PZP: variants seen among roughly 807,000 people sequenced by gnomAD.
PZP encodes pregnancy zone protein.
A neutral mutation model predicts 179.8 loss-of-function variants in PZP; 150 were observed. The ratio of observed to expected loss-of-function variants is 0.83; its 90% confidence interval spans 0.73 to 0.96. The LOEUF (loss-of-function observed/expected upper bound fraction) is 0.96, where lower values mean the gene tolerates loss of function less well. Ranked by LOEUF, PZP falls within the 40% of genes least tolerant of loss-of-function variation. The probability of loss-of-function intolerance (pLI) is 0.00; values close to 1 mark genes in which losing one functional copy is unlikely to be tolerated. For missense variants in PZP, 1,689 were observed against 1,764.0 expected, an observed-to-expected ratio of 0.96 and a Z score of 0.76; for synonymous variants, 624 against 652.3, an observed-to-expected ratio of 0.96 and a Z score of 0.66.
chr12:9,152,115 T>C, intron 32 of PZP, 105 bp downstream of exon 32: 1 of 888,912 alleles, frequency 1.1e-6, no homozygotes. Flanking sequence ...AAATATTTTT[T>C]TGAGGCAGGA....
downstream of PZP, among the ~76,000 whole-genome samples, chr12:9,144,676 G>T (rs1291864132): frequency 6.6e-6 from 1 of 152,158 alleles, no homozygotes; most frequent in Non-Finnish European, 1.5e-5. Context: ...TAGGGTGAGA[G>T]AGCTTATCAC....
intron 13 of PZP, among the ~76,000 whole-genome samples, chr12:9,190,908 T>C (rs61245190): frequency 0.018 from 2,790 of 152,216 alleles, 84 homozygotes; most frequent in African/African-American, 0.063. Context: ...TGAATAAAAT[T>C]TGTTCTTTTA....
intron 22 of PZP, chr12:9,162,233 A>T: frequency 5.8e-6 from 1 of 172,476 alleles, no homozygotes; most frequent in Non-Finnish European, 1.2e-5. Context: ...AAATGCTGGG[A>T]TTACAAATGT....
intron 15 of PZP, among the ~76,000 whole-genome samples, chr12:9,175,853 G>C (rs746919511): frequency 6.0e-4 from 91 of 152,274 alleles, no homozygotes; most frequent in African/African-American, 1.9e-3. Context: ...TTTTTTTACT[G>C]TTGTGGGGAG....
rs1286166336 is a variant in PZP, at chr12:9,162,656, G to A, written c.2737-8C>T. Reference sequence around the variant, plus strand: ...TTGCTCAATACCTTCAGCCTTGGATGAAAGGAAAGAAAAGGAGAAAAGATA... The same window carrying A: ...TTGCTCAATACCTTCAGCCTTGGATAAAAGGAAAGAAAAGGAGAAAAGATA... On this transcript the variant is annotated splice_region_variant and splice_polypyrimidine_tract_variant and intron_variant, in intron 21 of 35. Coordinates refer to ENST00000261336, the MANE Select transcript of PZP (RefSeq NM_002864.3). The A allele has an allele frequency of 1.3e-6, 2 of 1,580,886 alleles. No individual in the cohort carries two copies. Among genetic ancestry groups the A allele is most frequent in the East Asian group, 2.2e-5 (1 of 44,626 alleles).
chr12:9,160,400 G>C lies in PZP; in HGVS notation c.2963C>G (p.Pro988Arg). Reference sequence around the variant, plus strand: ...CAGATAGTTCAAGACATAGATGTTAGGAGCAAATAGGACCATGTTCTGTTC... The same window carrying C: ...CAGATAGTTCAAGACATAGATGTTACGAGCAAATAGGACCATGTTCTGTTC... ...CGEQNMVLFA[P>R]NIYVLNYLNE... The change falls in exon 24 of 36, where the codon CCT becomes CGT. Residue 988 changes from proline (P) to arginine (R), a missense_variant. By Grantham distance (103) the Pro-to-Arg change is moderately radical. Transcript: ENST00000261336. 6.2e-7 allele frequency: 1 copy of C among 1,614,076 alleles called. No individual in the cohort carries two copies. Among genetic ancestry groups the C allele is most frequent in the Non-Finnish European group, 8.5e-7 (1 of 1,179,934 alleles).
At chr12:9,204,586 TCAA>T (rs1183933370) in intron 1 of PZP, among the ~76,000 whole-genome samples, 1 of 152,196 alleles carries the variant, frequency 6.6e-6, no homozygotes, top group African/African-American at 2.4e-5. Context: ...CAATATTTTA[TCAA>T]CGAGTTTGAA....
intron 35 of PZP, among the ~76,000 whole-genome samples, chr12:9,149,260 G>A (rs1208095027): frequency 1.3e-5 from 2 of 152,236 alleles, no homozygotes; most frequent in African/African-American, 4.8e-5. Flanking sequence ...GGTTTTAGGT[G>A]TGTGATTAGT....
rs1007603860 is a variant in PZP, at chr12:9,152,707, T to C, written c.4121+117A>G. 5 of 1,066,576 alleles carry C rather than the reference T, an allele frequency of 4.7e-6. No individual in the cohort carries two copies. The African/African-American group carries it at 8.1e-5, about 17-fold the overall frequency. The allele number at this position is 1,066,576 out of a possible 1,614,324, so 66.1% of individuals were successfully genotyped here. A position where few individuals can be genotyped will look rare whatever the true frequency, so the allele number is the denominator to read the frequency against. Reference sequence around the variant, plus strand: ...ATAAAAGCCTAAATTCATTTATAGATATATCAATTCTAAATTATATTAATC... The same window carrying C: ...ATAAAAGCCTAAATTCATTTATAGACATATCAATTCTAAATTATATTAATC... On this transcript the variant is annotated intron_variant, in intron 31 of 35. Transcript: ENST00000261336.
rs1007391101 is a variant in PZP, at chr12:9,194,004, G to A, written c.1254+73C>T. On this transcript the variant is annotated intron_variant, in intron 11 of 35. Transcript: ENST00000261336. ...TATTTCTTACTCTTAAATGCAATCT[G>A]TACATTTCTTCTGAATATATCACTG... The A allele has an allele frequency of 1.4e-5, 19 of 1,364,616 alleles. No homozygotes were observed. The African/African-American group carries it at 2.5e-4, about 18-fold the overall frequency. 84.5% of individuals were successfully genotyped at this position (1,364,616 alleles called of 1,614,324 possible).
intron 13 of PZP, among the ~76,000 whole-genome samples, chr12:9,189,715 T>C (rs1339566087): frequency 1.3e-5 from 2 of 152,090 alleles, no homozygotes; most frequent in African/African-American, 4.8e-5. Flanking sequence ...ACTTAGAGAA[T>C]GAGAGAAAAC....
chr12:9,181,723 TACTC>T, intron 14 of PZP, among the ~76,000 whole-genome samples: 1 of 152,300 alleles, frequency 6.6e-6, no homozygotes, highest in South Asian at 2.1e-4. Context: ...GCATTTTACA[TACTC>T]ACACAACTGA....
At chr12:9,155,476 G>GT (rs938277660) in intron 28 of PZP, among the ~76,000 whole-genome samples, 5 of 148,166 alleles carry the variant, frequency 3.4e-5, no homozygotes, top group African/African-American at 1.2e-4. Flanking sequence ...TTCTTGTTTT[G>GT]TTTTTTGTTG....
At chr12:9,204,457 A>G (rs1042872632) in intron 1 of PZP, among the ~76,000 whole-genome samples, 4 of 152,358 alleles carry the variant, frequency 2.6e-5, no homozygotes, top group Middle Eastern at 3.4e-3. Flanking sequence ...CAGTAAGCAT[A>G]TATCATTACA....
intron 15 of PZP, among the ~76,000 whole-genome samples, chr12:9,172,303 A>C (rs917956848): frequency 2.0e-5 from 3 of 152,214 alleles, no homozygotes; most frequent in Admixed American, 6.5e-5. Flanking sequence ...TAGGAAATTT[A>C]TCAACACAAG....
At chr12:9,195,723 G>T (rs1020038542) in intron 10 of PZP, among the ~76,000 whole-genome samples, 1 of 149,720 alleles carries the variant, frequency 6.7e-6, no homozygotes, top group African/African-American at 2.5e-5. Flanking sequence ...CAAAGTTCTG[G>T]GATTATAAGC....
chr12:9,144,129 T>C (rs903135009), downstream of PZP, among the ~76,000 whole-genome samples: 4 of 151,698 alleles, frequency 2.6e-5, no homozygotes, highest in African/African-American at 9.7e-5. Context: ...CCAGTTGGAA[T>C]TGGCAAAGGG....
chr12:9,144,304 C>G (rs982179143), downstream of PZP, among the ~76,000 whole-genome samples: 1 of 152,156 alleles, frequency 6.6e-6, no homozygotes, highest in African/African-American at 2.4e-5. Flanking sequence ...ACTCTGAGAG[C>G]CCACTGGAGA....
At chr12:9,149,659 GC>G (rs1940204592) in intron 34 of PZP, 57 bp from the exon 35 acceptor site, 2 of 1,555,478 alleles carry the variant, frequency 1.3e-6, no homozygotes, top group African/African-American at 2.7e-5. Context: ...TAGGGACCAT[GC>G]TAAATCTGTC....
Sources: allele counts gnomAD v4.1 joint callset (sites outside exome capture counted in the v4.1 genomes callset), GRCh38; gene constraint gnomAD v4.1.1; transcripts MANE v1.5; gene names NCBI Gene and HGNC (gene_info 2026-07-23, HGNC 2026-07-21).